The following C5 variants were observed in gnomAD, a reference collection of about 807,000 sequenced individuals.
C5 encodes the protein complement C5, also known as C3 and PZP-like alpha-2-macroglobulin domain-containing protein 4.
C5 carries 140 observed loss-of-function variants against 218.8 expected under a neutral mutation model. That is an observed-to-expected ratio of 0.64 (90% CI 0.56 to 0.74). The LOEUF is 0.74. C5 is among the 30% of genes least tolerant of loss of function. The pLI, the probability that C5 is intolerant of heterozygous loss-of-function variation, is 0.00. For synonymous variants in C5, 614 were observed against 682.3 expected (o/e 0.90, Z 1.56); for missense variants, 1,700 against 1,969.6 (o/e 0.86, Z 2.59).
chr9:120,991,252 TGG>T lies in C5; in HGVS notation c.2878_2879del (p.Pro960IlefsTer26). ...GGACCAAATCTAAGGGTATCCTGTA[TGG>T]GAACTCCTTTCGTCTGCTAATGGTA... ...YGTISRRKEF[P>X]YRIPLDLVPK... On this transcript the variant is annotated frameshift_variant, in exon 23 of 41. Transcript: ENST00000223642. LOFTEE classifies it high-confidence loss of function. The T allele has an allele frequency of 6.2e-7, 1 of 1,610,974 alleles. No homozygotes were observed. The highest frequency in any genetic ancestry group is 8.5e-7 in the Non-Finnish European group (1 of 1,177,106).
chr9:121,049,569 G>T (rs1457402772), intron 1 of C5, among the ~76,000 whole-genome samples: 1 of 151,954 alleles, frequency 6.6e-6, no homozygotes, highest in Non-Finnish European at 1.5e-5. Flanking sequence ...TGTGACCTTT[G>T]GTCAGTCACT....
chr9:120,983,566 T>A (rs1024321610), intron 25 of C5, among the ~76,000 whole-genome samples: 9 of 152,140 alleles, frequency 5.9e-5, no homozygotes, highest in African/African-American at 2.2e-4. Context: ...ATTTTAAGCA[T>A]TTTTTTAAAG....
At chr9:121,020,463 T>C (rs1042350964) in intron 11 of C5, among the ~76,000 whole-genome samples, 13 of 152,110 alleles carry the variant, frequency 8.5e-5, no homozygotes, top group Non-Finnish European at 1.3e-4. Flanking sequence ...CTTCCTGAAA[T>C]GTCATGGTAA....
At position 120,982,827 on chromosome 9, in the gene C5, A is replaced by C; in HGVS notation, c.3231-13T>G. The C allele has an allele frequency of 6.9e-7, 1 of 1,452,222 alleles. No homozygotes were observed. The highest frequency in any genetic ancestry group is 9.6e-7 in the Non-Finnish European group (1 of 1,040,952). The allele number at this position is 1,452,222 out of a possible 1,614,324, so 90.0% of individuals were successfully genotyped here. A position where few individuals can be genotyped will look rare whatever the true frequency, so the allele number is the denominator to read the frequency against. Reference sequence around the variant, plus strand: ...AAAAGCTGTTAACCTTTAAGACAAAATCAAATAAATAAATATTTAGAACGC... The same window carrying C: ...AAAAGCTGTTAACCTTTAAGACAAACTCAAATAAATAAATATTTAGAACGC... On this transcript the variant is annotated splice_polypyrimidine_tract_variant and intron_variant, in intron 25 of 40. Coordinates refer to ENST00000223642, the MANE Select transcript of C5 (RefSeq NM_001735.3).
intron 21 of C5, among the ~76,000 whole-genome samples, chr9:120,996,870 A>G (rs545110473): frequency 1.3e-5 from 2 of 152,304 alleles, no homozygotes; most frequent in South Asian, 2.1e-4. Context: ...CAAGAATCTT[A>G]GTCCTTTAAA....
intron 22 of C5, among the ~76,000 whole-genome samples, 196 bp downstream of exon 22, chr9:120,996,044 C>T (rs1317800287): frequency 1.3e-5 from 2 of 151,980 alleles, no homozygotes; most frequent in African/African-American, 4.8e-5. Context: ...GTCTCGAACT[C>T]CTGACCTCAA....
chr9:121,008,533 CAA>C (rs2047235262), intron 17 of C5, 35 bp from the exon 18 acceptor site: 8 of 1,456,088 alleles, frequency 5.5e-6, no homozygotes, highest in Middle Eastern at 1.7e-4. Context: ...TATGGAAAAA[CAA>C]TATAAATTCT....
intron 21 of C5, 137 bp downstream of exon 21, chr9:120,997,410 A>C: frequency 1.5e-6 from 1 of 689,058 alleles, no homozygotes; most frequent in Non-Finnish European, 2.4e-6. Flanking sequence ...TACAAAAAAA[A>C]TCTGGAATAA....
chr9:121,073,432 T>C, the C5 span, among the ~76,000 whole-genome samples: 8 of 152,042 alleles, frequency 5.3e-5, no homozygotes, highest in Admixed American at 2.0e-4. Flanking sequence ...CTAAGACATA[T>C]TGAGAACTTA....
At chr9:121,008,142 G>C (rs2047231194) in intron 18 of C5, among the ~76,000 whole-genome samples, 1 of 152,154 alleles carries the variant, frequency 6.6e-6, no homozygotes. Flanking sequence ...ACATAGTTGT[G>C]TGTAGTAAAT....
chr9:121,021,995 G>A (rs1441654214), intron 10 of C5, among the ~76,000 whole-genome samples: 3 of 152,042 alleles, frequency 2.0e-5, no homozygotes, highest in Admixed American at 1.3e-4. Context: ...GTTTACTTAT[G>A]TTTAATTTAG....
At chr9:121,032,613 T>C (rs2047485949) in intron 5 of C5, among the ~76,000 whole-genome samples, 1 of 152,210 alleles carries the variant, frequency 6.6e-6, no homozygotes, top group Non-Finnish European at 1.5e-5. Context: ...ATGATAAAAT[T>C]TACACCTCAC....
At chr9:121,022,942 G>A (rs531733916) in intron 10 of C5, among the ~76,000 whole-genome samples, 149 of 152,024 alleles carry the variant, frequency 9.8e-4, no homozygotes, top group Non-Finnish European at 1.9e-3. Flanking sequence ...ACAGAGTTAT[G>A]CACAAAGACA....
At chr9:121,030,723 C>T (rs897814111) in intron 6 of C5, among the ~76,000 whole-genome samples, 15 of 152,206 alleles carry the variant, frequency 9.9e-5, no homozygotes, top group African/African-American at 3.6e-4. Flanking sequence ...ATTTTGATTA[C>T]AGCATTTATT....
intron 19 of C5, among the ~76,000 whole-genome samples, 182 bp downstream of exon 19, chr9:121,006,722 A>C (rs2047218606): frequency 6.6e-6 from 1 of 152,194 alleles, no homozygotes; most frequent in South Asian, 2.1e-4. Context: ...GAGTGAAAGG[A>C]GAAATCAATA....
chr9:121,030,435 G>A lies in C5; in HGVS notation c.720C>T (p.Tyr240=), dbSNP rs1309764120. 3 of 1,540,858 alleles carry A rather than the reference G, an allele frequency of 1.9e-6. No homozygotes were observed. The highest frequency in any genetic ancestry group is 2.6e-6 in the Non-Finnish European group (3 of 1,139,236). ...TAATTTCAAAATTCTTAAAGTTCTT[G>A]TAACCAATGAAATTATATTCTGGCT... ...SIEPEYNFIG[Y]KNFKNFEITI... is the part of the protein sequence containing the mutation. The change falls in exon 7 of 41, where the codon TAC becomes TAT. Residue 240 remains tyrosine (Y), a synonymous_variant. Transcript: ENST00000223642.
At chr9:121,030,627 C>G in intron 6 of C5, 140 bp from the exon 7 acceptor site, 1 of 575,368 alleles carries the variant, frequency 1.7e-6, no homozygotes, top group African/African-American at 1.9e-5. Context: ...TAATCATCAT[C>G]GTCATCATCG....
intron 3 of C5, among the ~76,000 whole-genome samples, chr9:121,038,875 C>T (rs934364603): frequency 2.6e-5 from 4 of 152,236 alleles, no homozygotes; most frequent in Non-Finnish European, 5.9e-5. Flanking sequence ...CCCCACCTCT[C>T]TGCTCTCTCC....
At position 120,976,530 on chromosome 9, in the gene C5, T is replaced by C. The variant is rs41311937; in HGVS notation, c.3864+170A>G. ...CTCCCTGGGCTAATTTCCTCTTCTG[T>C]ATAATAAGAGTGTTGACGCAGATAA... On this transcript the variant is annotated intron_variant, in intron 29 of 40. Coordinates refer to ENST00000223642, the MANE Select transcript of C5 (RefSeq NM_001735.3). 8.7e-3 allele frequency among the ~76,000 whole-genome samples: 1,318 copies of C among 152,316 alleles called. 15 individuals are homozygous for C. The highest frequency in any genetic ancestry group is 0.03 in the African/African-American group (1,236 of 41,558).
Sources: allele counts gnomAD v4.1 joint callset (sites outside exome capture counted in the v4.1 genomes callset), GRCh38; gene constraint gnomAD v4.1.1; transcripts MANE v1.5; gene names NCBI Gene and HGNC (gene_info 2026-07-23, HGNC 2026-07-21).